The following WDR4 variants were observed in gnomAD, a reference collection of about 807,000 sequenced individuals.
The protein encoded by WDR4 is tRNA (guanine-N(7)-)-methyltransferase non-catalytic subunit WDR4.
In WDR4, 47 loss-of-function variants were observed where a neutral mutation model predicts 48.6. That is an observed-to-expected ratio of 0.97 (90% CI 0.77 to 1.23). The LOEUF is 1.23. Among genes scored for constraint, WDR4 ranks in the 50% most tolerant of loss-of-function variants. The pLI is 0.00. For missense variants in WDR4, 606 were observed against 551.6 expected (o/e 1.10, Z -0.99); for synonymous variants, 268 against 230.0 (o/e 1.17, Z -1.49).
Position 42,853,174 on chromosome 21 carries a change from A to C in WDR4, c.975+395T>G, listed in dbSNP as rs552572437. Among the ~76,000 whole-genome samples the C allele has an allele frequency of 2.6e-5, 4 of 151,824 alleles. No homozygotes were observed. In the South Asian group the frequency reaches 8.3e-4, roughly 32 times the overall value. On this transcript the variant is annotated intron_variant, in intron 9 of 10. Coordinates refer to ENST00000398208, the MANE Select transcript of WDR4 (RefSeq NM_018669.6). ...GCCTGCCGCCCTTGCCCCCTCCTCT[A>C]CCCGGGGCTCCACATGCTCCTGAGG...
intron 9 of WDR4, 55 bp downstream of exon 9, chr21:42,853,514 C>G: frequency 6.4e-7 from 1 of 1,557,936 alleles, no homozygotes; most frequent in Non-Finnish European, 8.7e-7. Flanking sequence ...CGCCCCACAC[C>G]CCCAGGCTTA....
intron 3 of WDR4, among the ~76,000 whole-genome samples, chr21:42,868,081 A>G (rs1162604655): frequency 6.6e-6 from 1 of 152,188 alleles, no homozygotes; most frequent in Non-Finnish European, 1.5e-5. Context: ...CAAGAAGCCA[A>G]CTGCCACAGG....
intron 2 of WDR4, among the ~76,000 whole-genome samples, chr21:42,876,410 C>T (rs557630937): frequency 6.0e-4 from 92 of 152,154 alleles, no homozygotes; most frequent in African/African-American, 2.1e-3. Flanking sequence ...GACAGGGTTT[C>T]GCCATGTTGG....
the WDR4 span, among the ~76,000 whole-genome samples, chr21:42,891,742 A>G: frequency 1.3e-4 from 19 of 150,540 alleles, no homozygotes; most frequent in South Asian, 4.2e-4. Context: ...CGATCATTTG[A>G]GGTCAGGAGT....
chr21:42,864,580 C>A (rs965069030), intron 3 of WDR4, among the ~76,000 whole-genome samples: 3 of 152,180 alleles, frequency 2.0e-5, no homozygotes, highest in Non-Finnish European at 2.9e-5. Flanking sequence ...GGCCTGCGCT[C>A]CCCCCAGTCC....
At chr21:42,845,066 G>A (rs940322430), downstream of WDR4, among the ~76,000 whole-genome samples, 3 of 152,208 alleles carry the variant, frequency 2.0e-5, no homozygotes, top group Admixed American at 1.3e-4. Context: ...GGCACGGAGA[G>A]GCAAGACACG....
intron 5 of WDR4, among the ~76,000 whole-genome samples, chr21:42,860,202 G>T (rs1434122607): frequency 3.3e-5 from 5 of 152,192 alleles, no homozygotes; most frequent in Non-Finnish European, 5.9e-5. Flanking sequence ...GAGGAGGGCA[G>T]CCAAGCCCAC....
chr21:42,892,405 T>C, the WDR4 span, among the ~76,000 whole-genome samples: 5 of 152,190 alleles, frequency 3.3e-5, no homozygotes, highest in Admixed American at 3.3e-4. Context: ...CCCTTGCATT[T>C]ACTTGATAGC....
At position 42,873,798 on chromosome 21, in the gene WDR4, T is replaced by C. The variant is rs2058428345; in HGVS notation, c.156-107A>G. 1.3e-5 allele frequency: 18 copies of C among 1,372,882 alleles called. 1 individual carries two copies. The highest frequency in any genetic ancestry group is 3.7e-4 in the Middle Eastern group (2 of 5,410). 85.0% of individuals were successfully genotyped at this position (1,372,882 alleles called of 1,614,324 possible). ...TAACATGGGAGGAGGTAGAAACTGT[T>C]AAGGGGATCACGTAGCCAAAATACA... On this transcript the variant is annotated intron_variant, in intron 2 of 10. Coordinates refer to ENST00000398208, the MANE Select transcript of WDR4 (RefSeq NM_018669.6).
chr21:42,879,126 G>A (rs1277631392), intron 1 of WDR4: 1 of 1,221,880 alleles, frequency 8.2e-7, no homozygotes, highest in South Asian at 3.1e-5. Context: ...AAGCGACCCG[G>A]CGGCGCTAAC....
intron 2 of WDR4, among the ~76,000 whole-genome samples, chr21:42,876,211 CT>C (rs1361898656): frequency 3.0e-5 from 2 of 67,572 alleles, no homozygotes; most frequent in African/African-American, 1.5e-4. Flanking sequence ...GGCACTAACA[CT>C]GTACTCTTTT....
At chr21:42,883,015 C>T (rs1017131329), upstream of WDR4, among the ~76,000 whole-genome samples, 9 of 147,550 alleles carry the variant, frequency 6.1e-5, no homozygotes, top group South Asian at 1.9e-3. Context: ...AGGACAACCG[C>T]TTGAACGTGG....
intron 3 of WDR4, among the ~76,000 whole-genome samples, chr21:42,873,252 T>C (rs2058412035): frequency 6.6e-6 from 1 of 152,158 alleles, no homozygotes; most frequent in Non-Finnish European, 1.5e-5. Context: ...ACACTGTAGG[T>C]GGAGGGACCA....
At chr21:42,869,728 G>A (rs2058327044) in intron 3 of WDR4, among the ~76,000 whole-genome samples, 1 of 152,178 alleles carries the variant, frequency 6.6e-6, no homozygotes, top group South Asian at 2.1e-4. Context: ...TGCTCTTCTG[G>A]CCAGGCGCCA....
At chr21:42,864,225 A>G (rs933341529) in intron 3 of WDR4, among the ~76,000 whole-genome samples, 3 of 151,488 alleles carry the variant, frequency 2.0e-5, no homozygotes, top group African/African-American at 4.9e-5. Context: ...GAAAACTGTC[A>G]TCAAGAAATG....
intron 2 of WDR4, among the ~76,000 whole-genome samples, chr21:42,876,216 C>CTTTT (rs1491253275): frequency 6.6e-5 from 4 of 60,926 alleles, no homozygotes; most frequent in African/African-American, 2.8e-4. Context: ...TAACACTGTA[C>CTTTT]TCTTTTTTTT....
At chr21:42,876,573 T>C in intron 2 of WDR4, 129 bp downstream of exon 2, 1 of 813,952 alleles carries the variant, frequency 1.2e-6, no homozygotes, top group Non-Finnish European at 2.0e-6. Context: ...CCTGAGGTGC[T>C]ACTTATCTGC....
downstream of WDR4, among the ~76,000 whole-genome samples, chr21:42,845,287 A>G (rs1014605713): frequency 1.3e-5 from 2 of 152,272 alleles, no homozygotes; most frequent in South Asian, 4.1e-4. Flanking sequence ...ATTAAACCAT[A>G]CTTCCAAATA....
the WDR4 span, among the ~76,000 whole-genome samples, chr21:42,892,101 A>C: frequency 6.6e-6 from 1 of 151,166 alleles, no homozygotes. Context: ...AAAATTACAA[A>C]AATTTAGCCG....
Sources: allele counts gnomAD v4.1 joint callset (sites outside exome capture counted in the v4.1 genomes callset), GRCh38; gene constraint gnomAD v4.1.1; transcripts MANE v1.5; gene names NCBI Gene and HGNC (gene_info 2026-07-23, HGNC 2026-07-21).